Variants in SUMF1 observed in about 807,000 individuals in gnomAD.
SUMF1 encodes sulfatase modifying factor 1, also known as formylglycine-generating enzyme.
In SUMF1, 48 loss-of-function variants were observed where a neutral mutation model predicts 47.6. That is an observed-to-expected ratio of 1.01 (90% confidence interval 0.80 to 1.28). The LOEUF (loss-of-function observed/expected upper bound fraction) is 1.28, where lower values mean the gene tolerates loss of function less well. Among genes scored for constraint, SUMF1 ranks in the 50% most tolerant of loss-of-function variants. The probability of loss-of-function intolerance (pLI) is 0.00; values close to 1 mark genes in which losing one functional copy is unlikely to be tolerated. For missense variants in SUMF1, 571 were observed against 485.4 expected, an observed-to-expected ratio of 1.18 and a Z score of -1.66; for synonymous variants, 230 against 192.1, an observed-to-expected ratio of 1.20 and a Z score of -1.63.
rs116671115 is a variant in SUMF1 at position 4,410,758 on chromosome 3, T to C, written c.954+107A>G. On this transcript the variant is annotated intron_variant, in intron 7 of 8. Transcript: ENST00000272902. ...CTTTAGGGAAATCCCAAGATTAATTTCCAGAGTATGTAAATACCCCTCGGA... is the reference window on the plus strand; with the variant it reads ...CTTTAGGGAAATCCCAAGATTAATTCCCAGAGTATGTAAATACCCCTCGGA... The C allele has an allele frequency of 7.7e-4, 753 of 979,068 alleles. 5 individuals carry two copies. In the African/African-American group the frequency reaches 0.011, roughly 14 times the overall value. 60.6% of individuals were successfully genotyped at this position (979,068 alleles called of 1,614,324 possible). A position where few individuals can be genotyped will look rare whatever the true frequency, so the allele number is the denominator to read the frequency against.
chr3:4,352,961 G>T (rs2125158285), intron 8 of SUMF1, among the ~76,000 whole-genome samples: 1 of 152,312 alleles, frequency 6.6e-6, no homozygotes, highest in South Asian at 2.1e-4. Flanking sequence ...TCCCAAGACA[G>T]ATTCAGTCAC....
At chr3:4,066,402 T>C (rs1695376798) in intron 9 of SUMF1, among the ~76,000 whole-genome samples, 1 of 152,066 alleles carries the variant, frequency 6.6e-6, no homozygotes, top group South Asian at 2.1e-4. Flanking sequence ...CCAACCAAAT[T>C]GTCTCATAGA....
intron 4 of SUMF1, among the ~76,000 whole-genome samples, chr3:4,418,718 T>A (rs1038758960): frequency 6.6e-6 from 1 of 152,212 alleles, no homozygotes; most frequent in African/African-American, 2.4e-5. Context: ...TAAACTCTGT[T>A]TCAGCCTCTG....
intron 7 of SUMF1, among the ~76,000 whole-genome samples, chr3:4,404,422 A>G (rs1409079539): frequency 6.6e-6 from 1 of 152,108 alleles, no homozygotes; most frequent in Non-Finnish European, 1.5e-5. Flanking sequence ...TTAGTTCTCT[A>G]TCAAACTGAT....
intron 8 of SUMF1, among the ~76,000 whole-genome samples, chr3:4,236,071 T>C (rs1355551853): frequency 6.6e-6 from 1 of 152,064 alleles, no homozygotes; most frequent in Non-Finnish European, 1.5e-5. Flanking sequence ...GCCCCCCAGA[T>C]AGCTGGGATA....
At chr3:4,099,239 A>C (rs1692976278) in intron 8 of SUMF1, among the ~76,000 whole-genome samples, 1 of 152,090 alleles carries the variant, frequency 6.6e-6, no homozygotes, top group Non-Finnish European at 1.5e-5. Context: ...CACCAGCAAG[A>C]TATTATAAGA....
At chr3:4,282,229 G>A (rs1235689050) in intron 8 of SUMF1, among the ~76,000 whole-genome samples, 1 of 152,048 alleles carries the variant, frequency 6.6e-6, no homozygotes, top group Non-Finnish European at 1.5e-5. Context: ...TAAAATCAAT[G>A]TACTTATCCA....
At chr3:4,303,552 G>C (rs1236135821) in intron 8 of SUMF1, 2 of 1,344,152 alleles carry the variant, frequency 1.5e-6, no homozygotes, top group South Asian at 2.1e-5. Context: ...GGCGGCGCGG[G>C]AGGCGGGCGC....
chr3:4,047,601 G>C (rs1695028086), intron 9 of SUMF1, among the ~76,000 whole-genome samples: 2 of 152,150 alleles, frequency 1.3e-5, no homozygotes, highest in South Asian at 4.1e-4. Context: ...TGGTGAGTTG[G>C]ATTACATAGT....
chr3:4,102,452 C>T (rs941934144), intron 8 of SUMF1, among the ~76,000 whole-genome samples: 36 of 152,088 alleles, frequency 2.4e-4, no homozygotes, highest in African/African-American at 8.7e-4. Context: ...ATGATAGAGT[C>T]CAGTCTTCCT....
intron 9 of SUMF1, among the ~76,000 whole-genome samples, chr3:4,046,688 C>T (rs1365122416): frequency 6.6e-6 from 1 of 150,838 alleles, no homozygotes; most frequent in Non-Finnish European, 1.5e-5. Flanking sequence ...CCCTTTTCTC[C>T]AGTCTATAAC....
At chr3:4,202,214 T>C (rs2125153092) in intron 8 of SUMF1, among the ~76,000 whole-genome samples, 1 of 152,210 alleles carries the variant, frequency 6.6e-6, no homozygotes, top group African/African-American at 2.4e-5. Flanking sequence ...CAATTTTTTC[T>C]TTTCATTGTT....
chr3:4,435,933 A>G (rs562544919), intron 3 of SUMF1, among the ~76,000 whole-genome samples: 1 of 152,372 alleles, frequency 6.6e-6, no homozygotes, highest in East Asian at 1.9e-4. Context: ...TTAGGAATGA[A>G]GGAAGAGCAA....
At chr3:4,098,073 C>T (rs969122076) in intron 8 of SUMF1, among the ~76,000 whole-genome samples, 32 of 152,088 alleles carry the variant, frequency 2.1e-4, no homozygotes, top group Non-Finnish European at 1.3e-4. Context: ...AACGTATCTT[C>T]CTGTCAGGGT....
intron 8 of SUMF1, among the ~76,000 whole-genome samples, chr3:4,271,528 G>C (rs1697304958): frequency 6.6e-6 from 1 of 151,722 alleles, no homozygotes; most frequent in South Asian, 2.1e-4. Flanking sequence ...GATACAGAGA[G>C]GATCTCAACA....
chr3:4,466,640 T>C (rs1416033117), intron 1 of SUMF1, among the ~76,000 whole-genome samples: 2 of 152,170 alleles, frequency 1.3e-5, no homozygotes, highest in Admixed American at 1.3e-4. Context: ...AGGATCCTAA[T>C]TTATTCCGTT....
intron 2 of SUMF1, among the ~76,000 whole-genome samples, chr3:4,449,543 G>A (rs545617615): frequency 3.1e-4 from 47 of 152,246 alleles, no homozygotes; most frequent in African/African-American, 1.0e-3. Context: ...GACCATTTTC[G>A]TTTAAGACTC....
chr3:4,138,354 A>C (rs1310945760), intron 8 of SUMF1, among the ~76,000 whole-genome samples: 1 of 152,140 alleles, frequency 6.6e-6, no homozygotes. Context: ...TGTCCTGCCT[A>C]ATAGGAATAT....
chr3:4,388,017 T>C (rs1400324873), intron 7 of SUMF1, among the ~76,000 whole-genome samples: 4 of 152,216 alleles, frequency 2.6e-5, no homozygotes, highest in South Asian at 4.1e-4. Context: ...ATATGTTCCA[T>C]GCATAACTGA....
Sources: allele counts gnomAD v4.1 joint callset (sites outside exome capture counted in the v4.1 genomes callset), GRCh38; gene constraint gnomAD v4.1.1; transcripts MANE v1.5; gene names NCBI Gene and HGNC (gene_info 2026-07-23, HGNC 2026-07-21).